The following MARCHF4 variants were observed in gnomAD, a reference collection of about 807,000 sequenced individuals.
The protein encoded by MARCHF4 is membrane associated ring-CH-type finger 4.
In MARCHF4, 14 loss-of-function variants were observed where a neutral mutation model predicts 43.9. That is an observed-to-expected ratio of 0.32 (90% CI 0.21 to 0.50). The LOEUF (loss-of-function observed/expected upper bound fraction) is 0.50, where lower values mean the gene tolerates loss of function less well. Ranked by LOEUF, MARCHF4 falls within the 20% of genes least tolerant of loss-of-function variation. MARCHF4 has a pLI of 0.98. For missense variants in MARCHF4, 468 were observed against 536.7 expected, an observed-to-expected ratio of 0.87 and a Z score of 1.27; for synonymous variants, 226 against 213.3, an observed-to-expected ratio of 1.06 and a Z score of -0.52.
At chr2:216,292,779 G>A (rs1021537011) in intron 1 of MARCHF4, among the ~76,000 whole-genome samples, 3 of 152,108 alleles carry the variant, frequency 2.0e-5, no homozygotes, top group African/African-American at 4.8e-5. Flanking sequence ...TGGGGCCAGC[G>A]AATAGAAATA....
chr2:216,346,544 CT>C (rs1692323599), intron 1 of MARCHF4, among the ~76,000 whole-genome samples: 1 of 152,134 alleles, frequency 6.6e-6, no homozygotes, highest in African/African-American at 2.4e-5. Context: ...TGATCACTGT[CT>C]GAGTGTAGGG....
At chr2:216,328,893 C>T (rs958545540) in intron 1 of MARCHF4, among the ~76,000 whole-genome samples, 1 of 151,890 alleles carries the variant, frequency 6.6e-6, no homozygotes, top group Non-Finnish European at 1.5e-5. Context: ...CAAAAATTAG[C>T]CAGGCATGGT....
intron 1 of MARCHF4, among the ~76,000 whole-genome samples, chr2:216,304,737 T>A (rs1261069733): frequency 2.0e-5 from 3 of 152,158 alleles, no homozygotes; most frequent in Non-Finnish European, 4.4e-5. Context: ...GCGGATCACC[T>A]GAGGTCCGGA....
chr2:216,361,805 G>A (rs559646255), intron 1 of MARCHF4, among the ~76,000 whole-genome samples: 1 of 152,326 alleles, frequency 6.6e-6, no homozygotes, highest in South Asian at 2.1e-4. Flanking sequence ...TCCAGTGAGA[G>A]AGGGTAGTAG....
At chr2:216,322,803 C>T (rs1044940666) in intron 1 of MARCHF4, among the ~76,000 whole-genome samples, 6 of 152,066 alleles carry the variant, frequency 3.9e-5, no homozygotes, top group African/African-American at 1.4e-4. Flanking sequence ...GTCACCTGGG[C>T]GACAGAGCGA....
chr2:216,308,911 G>T (rs1381073634), intron 1 of MARCHF4, among the ~76,000 whole-genome samples: 1 of 152,148 alleles, frequency 6.6e-6, no homozygotes, highest in Non-Finnish European at 1.5e-5. Context: ...TCGAAGAAGG[G>T]TGTGGATATT....
chr2:216,327,009 C>T (rs1692004661), intron 1 of MARCHF4, among the ~76,000 whole-genome samples: 4 of 152,092 alleles, frequency 2.6e-5, no homozygotes, highest in African/African-American at 9.7e-5. Context: ...ATAGTATCTA[C>T]CGTATAAGTT....
intron 3 of MARCHF4, among the ~76,000 whole-genome samples, chr2:216,260,237 A>G (rs1690718707): frequency 6.6e-6 from 1 of 152,244 alleles, no homozygotes; most frequent in Non-Finnish European, 1.5e-5. Flanking sequence ...GCAGCAAGGC[A>G]AATAAATAAT....
intron 1 of MARCHF4, among the ~76,000 whole-genome samples, chr2:216,289,242 C>CAA (rs1316928661): frequency 1.2e-4 from 16 of 138,178 alleles, no homozygotes; most frequent in South Asian, 2.4e-4. Flanking sequence ...CACCCGCCCC[C>CAA]CACCCAAGTT....
intron 1 of MARCHF4, among the ~76,000 whole-genome samples, chr2:216,346,474 TA>T (rs1692322372): frequency 2.0e-5 from 3 of 152,146 alleles, no homozygotes; most frequent in Non-Finnish European, 4.4e-5. Flanking sequence ...CACCTGCCCT[TA>T]TGGGGATTAC....
chr2:216,332,754 A>T (rs937045728), intron 1 of MARCHF4, among the ~76,000 whole-genome samples: 1 of 152,226 alleles, frequency 6.6e-6, no homozygotes, highest in Admixed American at 6.5e-5. Flanking sequence ...GAACTACCAG[A>T]TATTAAGACT....
At chr2:216,294,110 G>A (rs200393899) in intron 1 of MARCHF4, among the ~76,000 whole-genome samples, 1 of 152,218 alleles carries the variant, frequency 6.6e-6, no homozygotes, top group East Asian at 1.9e-4. Context: ...ATGTTGGGCT[G>A]GGCCTGTTTT....
chr2:216,263,145 G>A (rs1292564341), intron 3 of MARCHF4, among the ~76,000 whole-genome samples: 3 of 152,192 alleles, frequency 2.0e-5, no homozygotes, highest in Non-Finnish European at 1.5e-5. Context: ...GATGCACTTC[G>A]CCTAGGCGCA....
chr2:216,304,827 G>A (rs1196268083), intron 1 of MARCHF4, among the ~76,000 whole-genome samples: 1 of 152,060 alleles, frequency 6.6e-6, no homozygotes, highest in Admixed American at 6.6e-5. Context: ...GGTGGCATGT[G>A]TTTGTAGTCC....
In MARCHF4 at chr2:216,354,919, CTTTCTTTCTTT is replaced by C. The variant is rs1559106565; in HGVS notation, c.516+14815_516+14825del. 1.6e-3 allele frequency among the ~76,000 whole-genome samples: 182 copies of C among 114,846 alleles called. 1 individual carries two copies. Among genetic ancestry groups the C allele is most frequent in the Admixed American group, 6.5e-3 (70 of 10,796 alleles). The allele number at this position is 114,846 out of a possible 152,430, so 75.3% of individuals were successfully genotyped here. On this transcript the variant is annotated intron_variant, in intron 1 of 3. Coordinates refer to ENST00000273067, the MANE Select transcript of MARCHF4 (RefSeq NM_020814.3). ...TCTTTCTTTCTTTCTTTCTTTCTTT[CTTTCTTTCTTT>C]CTTTCTTTCTTTCTTTCTTTCTTTC...
chr2:216,316,487 G>T (rs893701516), intron 1 of MARCHF4, among the ~76,000 whole-genome samples: 3 of 152,158 alleles, frequency 2.0e-5, no homozygotes, highest in African/African-American at 4.8e-5. Context: ...CTAGAACGGG[G>T]TATTGCATAG....
chr2:216,263,063 G>A (rs958910060), intron 3 of MARCHF4, among the ~76,000 whole-genome samples: 4 of 152,150 alleles, frequency 2.6e-5, no homozygotes, highest in African/African-American at 9.7e-5. Flanking sequence ...GCAGGTGCGT[G>A]AGGGTATCTG....
Position 216,370,359 on chromosome 2 carries a change from G to C in MARCHF4, c.-99C>G, listed in dbSNP as rs182571490. On this transcript the variant is annotated 5_prime_UTR_variant, in exon 1 of 4. Transcript: ENST00000273067. ...GGTCCACAGTGGATCTGTGTTGTGG[G>C]GGGAGTCTGCTTTCTCACTGGCTTT... The C allele has an allele frequency of 2.0e-6, 2 of 993,298 alleles. No homozygotes were observed. The highest frequency in any genetic ancestry group is 5.5e-5 in the East Asian group (2 of 36,520). The allele number at this position is 993,298 out of a possible 1,614,324, so 61.5% of individuals were successfully genotyped here. A position where few individuals can be genotyped will look rare whatever the true frequency, so the allele number is the denominator to read the frequency against.
chr2:216,292,366 CAGAGAATCT>C (rs1691322359), intron 1 of MARCHF4, among the ~76,000 whole-genome samples: 1 of 152,220 alleles, frequency 6.6e-6, no homozygotes, highest in Non-Finnish European at 1.5e-5. Flanking sequence ...TGTGAAGACT[CAGAGAATCT>C]AGAGAATCTA....
Sources: allele counts gnomAD v4.1 joint callset (sites outside exome capture counted in the v4.1 genomes callset), GRCh38; gene constraint gnomAD v4.1.1; transcripts MANE v1.5; gene names NCBI Gene and HGNC (gene_info 2026-07-23, HGNC 2026-07-21).